GALNTL6: variants seen among roughly 807,000 people sequenced by gnomAD.
The protein encoded by GALNTL6 is polypeptide N-acetylgalactosaminyltransferase like 6, also known as polypeptide N-acetylgalactosaminyltransferase-like 6.
GALNTL6 carries 46 observed loss-of-function variants against 73.7 expected under a neutral mutation model. That is an observed-to-expected ratio of 0.62 (90% CI 0.49 to 0.80). The LOEUF is 0.80. Ranked by LOEUF, GALNTL6 falls within the 30% of genes least tolerant of loss-of-function variation. The pLI is 0.00. For missense variants in GALNTL6, 604 were observed against 755.0 expected, an observed-to-expected ratio of 0.80 and a Z score of 2.34; for synonymous variants, 259 against 263.7, an observed-to-expected ratio of 0.98 and a Z score of 0.17.
chr4:172,838,059 C>T (rs908013727), intron 7 of GALNTL6, among the ~76,000 whole-genome samples: 6 of 151,664 alleles, frequency 4.0e-5, no homozygotes, highest in Non-Finnish European at 7.4e-5. Flanking sequence ...TAATGTAGTG[C>T]ATATTTGTCA....
chr4:172,097,238 T>C (rs1333760325), intron 2 of GALNTL6, among the ~76,000 whole-genome samples: 2 of 152,224 alleles, frequency 1.3e-5, no homozygotes, highest in East Asian at 1.9e-4. Context: ...TCAGCTCTTA[T>C]ATTCACTATA....
chr4:172,053,158 A>G (rs1406876038), intron 2 of GALNTL6, among the ~76,000 whole-genome samples: 1 of 152,172 alleles, frequency 6.6e-6, no homozygotes, highest in East Asian at 1.9e-4. Context: ...ATACCTAAAC[A>G]TATTTTTACC....
intron 2 of GALNTL6, among the ~76,000 whole-genome samples, chr4:171,973,641 T>G (rs1739634322): frequency 6.6e-6 from 1 of 152,148 alleles, no homozygotes; most frequent in African/African-American, 2.4e-5. Flanking sequence ...CAAATAAAGC[T>G]ACATTCTTGG....
chr4:172,112,161 C>T (rs917265709), intron 2 of GALNTL6, among the ~76,000 whole-genome samples: 1 of 152,038 alleles, frequency 6.6e-6, no homozygotes, highest in African/African-American at 2.4e-5. Context: ...TTAGCCTTTT[C>T]AGATTAGCTT....
At chr4:171,814,302 G>A (rs1159442538) in intron 1 of GALNTL6, 110 bp from the exon 2 acceptor site, 2 of 495,342 alleles carry the variant, frequency 4.0e-6, no homozygotes, top group African/African-American at 3.9e-5. Context: ...TATTAATGGA[G>A]GTCAATGGGC....
chr4:171,894,577 G>A (rs1736854954), intron 2 of GALNTL6, among the ~76,000 whole-genome samples: 1 of 152,264 alleles, frequency 6.6e-6, no homozygotes, highest in South Asian at 2.1e-4. Flanking sequence ...ATGGAATCTT[G>A]CTCTTTTGTC....
chr4:172,538,376 C>T (rs984620771), intron 5 of GALNTL6, among the ~76,000 whole-genome samples: 4 of 152,054 alleles, frequency 2.6e-5, no homozygotes, highest in Non-Finnish European at 5.9e-5. Context: ...AGGAGAATGG[C>T]GTGAACCCAG....
chr4:172,078,897 C>T lies in GALNTL6; in HGVS notation c.139-150759C>T, dbSNP rs139382187. ...TAAAACAAATGAGGTTTTATTTAAT[C>T]ACACATTTATTGAAAAGATGCCTTC... is the stretch of plus-strand genomic sequence containing the variant. On this transcript the variant is annotated intron_variant, in intron 2 of 12. Coordinates refer to ENST00000506823, the MANE Select transcript of GALNTL6 (RefSeq NM_001034845.3). 4.1e-3 allele frequency among the ~76,000 whole-genome samples: 617 copies of T among 152,060 alleles called. 3 individuals are homozygous for T. The highest frequency in any genetic ancestry group is 0.014 in the African/African-American group (581 of 41,492).
At chr4:172,691,959 G>T (rs1395924399) in intron 5 of GALNTL6, among the ~76,000 whole-genome samples, 1 of 152,048 alleles carries the variant, frequency 6.6e-6, no homozygotes, top group Non-Finnish European at 1.5e-5. Context: ...TATAGATAAG[G>T]ATATGGTGAA....
intron 4 of GALNTL6, among the ~76,000 whole-genome samples, chr4:172,335,523 C>T (rs906068018): frequency 6.6e-6 from 1 of 152,180 alleles, no homozygotes; most frequent in African/African-American, 2.4e-5. Flanking sequence ...AGAATTGGTA[C>T]CAGCTCTTCT....
At chr4:172,588,108 A>G (rs535349091) in intron 5 of GALNTL6, among the ~76,000 whole-genome samples, 1 of 152,304 alleles carries the variant, frequency 6.6e-6, no homozygotes, top group African/African-American at 2.4e-5. Flanking sequence ...GAGAATGCTT[A>G]TGGGAAAAAG....
At chr4:173,005,830 T>C (rs1392763563) in intron 10 of GALNTL6, among the ~76,000 whole-genome samples, 3 of 152,236 alleles carry the variant, frequency 2.0e-5, no homozygotes, top group African/African-American at 4.8e-5. Flanking sequence ...TAGACAATTA[T>C]GCCTTTGAAA....
intron 7 of GALNTL6, among the ~76,000 whole-genome samples, chr4:172,815,307 A>G (rs1405508533): frequency 6.6e-6 from 1 of 152,230 alleles, no homozygotes; most frequent in Non-Finnish European, 1.5e-5. Context: ...AATAAATTTA[A>G]AACGTTTTAA....
At chr4:172,075,589 C>T (rs755332479) in intron 2 of GALNTL6, among the ~76,000 whole-genome samples, 2 of 152,138 alleles carry the variant, frequency 1.3e-5, no homozygotes, top group Non-Finnish European at 2.9e-5. Flanking sequence ...CCCGCCTCGG[C>T]CTCCCAAAGT....
At chr4:172,521,600 T>C (rs338052) in intron 5 of GALNTL6, among the ~76,000 whole-genome samples, 119,389 of 152,106 alleles carry the variant, frequency 0.78, 47,310 homozygotes, top group East Asian at 0.99. Flanking sequence ...GGCAAGACAA[T>C]AAGTAAGACA....
intron 5 of GALNTL6, among the ~76,000 whole-genome samples, chr4:172,621,083 A>T (rs1331495339): frequency 6.6e-6 from 1 of 152,216 alleles, no homozygotes; most frequent in Non-Finnish European, 1.5e-5. Flanking sequence ...GCTTGTAAGG[A>T]ATAAAATATC....
chr4:172,759,241 A>G (rs529907261), intron 5 of GALNTL6, among the ~76,000 whole-genome samples: 2 of 152,368 alleles, frequency 1.3e-5, no homozygotes, highest in African/African-American at 4.8e-5. Context: ...GGGGAGATGA[A>G]TTAGAAATTA....
chr4:172,726,030 C>T (rs549099753), intron 5 of GALNTL6, among the ~76,000 whole-genome samples: 9 of 152,106 alleles, frequency 5.9e-5, no homozygotes, highest in Non-Finnish European at 5.9e-5. Context: ...GCACTAGCTG[C>T]GGGGAGTCTG....
At chr4:172,779,676 G>A (rs1739272912) in intron 5 of GALNTL6, among the ~76,000 whole-genome samples, 1 of 152,200 alleles carries the variant, frequency 6.6e-6, no homozygotes, top group Non-Finnish European at 1.5e-5. Context: ...CAGACTCATA[G>A]TCAGTAATGG....
Sources: gnomAD v4.1 joint callset for allele counts (sites outside exome capture counted in the v4.1 genomes callset) on GRCh38, gnomAD v4.1.1 for gene constraint, MANE v1.5 for transcripts, NCBI Gene and HGNC (gene_info 2026-07-23, HGNC 2026-07-21) for gene names.